CLHC1: variants seen among roughly 807,000 people sequenced by gnomAD.
The protein encoded by CLHC1 is clathrin heavy chain linker domain-containing protein 1.
In CLHC1, 72 loss-of-function variants were observed where a neutral mutation model predicts 69.5. That is an observed-to-expected ratio of 1.04 (90% CI 0.86 to 1.26). The LOEUF is 1.26. Ranked by LOEUF, CLHC1 falls within the 50% of genes most tolerant of loss-of-function variation. The probability of loss-of-function intolerance (pLI) is 0.00; values close to 1 mark genes in which losing one functional copy is unlikely to be tolerated. For synonymous variants in CLHC1, 223 were observed against 224.3 expected (o/e 0.99, Z 0.05); for missense variants, 790 against 679.3 (o/e 1.16, Z -1.81).
chr2:55,197,851 T>C (rs1232644779), intron 9 of CLHC1, among the ~76,000 whole-genome samples: 3 of 151,962 alleles, frequency 2.0e-5, no homozygotes, highest in Admixed American at 2.0e-4. Context: ...CCAAACAAAC[T>C]AAATAAGGTA....
intron 9 of CLHC1, among the ~76,000 whole-genome samples, chr2:55,196,147 T>C (rs544553007): frequency 5.3e-5 from 8 of 152,288 alleles, no homozygotes; most frequent in South Asian, 2.1e-4. Flanking sequence ...AGACCAGCCC[T>C]AGCCAGAAGA....
intron 9 of CLHC1, among the ~76,000 whole-genome samples, chr2:55,194,009 G>A (rs1185218127): frequency 1.3e-5 from 2 of 152,088 alleles, no homozygotes; most frequent in Non-Finnish European, 2.9e-5. Context: ...AAAGAAACCT[G>A]TAACAAAAAG....
At chr2:55,226,408 T>A (rs1674715530) in intron 2 of CLHC1, among the ~76,000 whole-genome samples, 1 of 152,152 alleles carries the variant, frequency 6.6e-6, no homozygotes, top group Non-Finnish European at 1.5e-5. Context: ...CAGACAAAAT[T>A]AATGAAATAA....
chr2:55,229,521 C>A (rs1046062723), intron 1 of CLHC1, among the ~76,000 whole-genome samples: 1 of 152,178 alleles, frequency 6.6e-6, no homozygotes, highest in Non-Finnish European at 1.5e-5. Context: ...AGAGAGGTAA[C>A]TGCCAGATTA....
At chr2:55,213,582 G>A (rs984977569) in intron 4 of CLHC1, among the ~76,000 whole-genome samples, 7 of 148,662 alleles carry the variant, frequency 4.7e-5, no homozygotes, top group African/African-American at 1.7e-4. Context: ...GCTAGAGGAA[G>A]GACAGCACTT....
chr2:55,208,781 G>A, intron 7 of CLHC1, 71 bp from the exon 8 acceptor site: 1 of 1,022,994 alleles, frequency 9.8e-7, no homozygotes, highest in South Asian at 1.3e-5. Flanking sequence ...AAACATACAT[G>A]TGTTTAATAC....
chr2:55,222,780 G>A (rs1020870269), intron 2 of CLHC1, among the ~76,000 whole-genome samples: 1 of 152,044 alleles, frequency 6.6e-6, no homozygotes, highest in Non-Finnish European at 1.5e-5. Context: ...AATTAGCCAG[G>A]CGTGGTGGCG....
At chr2:55,224,708 C>G in intron 2 of CLHC1, 1 of 271,426 alleles carries the variant, frequency 3.7e-6, no homozygotes. Context: ...GAAAGGAGTG[C>G]AGTTTATTCT....
chr2:55,231,774 C>G (rs1005085942), intron 1 of CLHC1: 6 of 152,196 alleles, frequency 3.9e-5, no homozygotes, highest in South Asian at 4.1e-4. Context: ...TCCCAATGCC[C>G]AAATTTGGAA....
At chr2:55,180,060 A>C (rs1031574716) in intron 11 of CLHC1, among the ~76,000 whole-genome samples, 5 of 152,070 alleles carry the variant, frequency 3.3e-5, no homozygotes, top group African/African-American at 1.2e-4. Context: ...AGGCTGAGGC[A>C]GGAGAATGGT....
intron 9 of CLHC1, among the ~76,000 whole-genome samples, chr2:55,186,626 T>C (rs1380151840): frequency 6.6e-6 from 1 of 152,014 alleles, no homozygotes; most frequent in Admixed American, 6.6e-5. Flanking sequence ...TAACCAGGCA[T>C]GGTGGGTATG....
Position 55,217,793 on chromosome 2 carries a change from A to C in CLHC1, c.365+18T>G. 1 of 1,472,172 alleles carries C rather than the reference A, an allele frequency of 6.8e-7. No homozygotes were observed. The highest frequency in any genetic ancestry group is 1.4e-5 in the African/African-American group (1 of 69,208). 91.2% of individuals were successfully genotyped at this position (1,472,172 alleles called of 1,614,324 possible). On this transcript the variant is annotated intron_variant, in intron 4 of 12. Transcript: ENST00000401408. ...AGCAACAACTACCATCTTTTGGGCT[A>C]GTTACTAAAATACTTACTTTGCTTC...
chr2:55,206,579 T>C (rs1485732848), intron 8 of CLHC1, among the ~76,000 whole-genome samples: 2 of 152,188 alleles, frequency 1.3e-5, no homozygotes, highest in East Asian at 1.9e-4. Context: ...GGGTTTTTTT[T>C]AAGTCTCAGA....
chr2:55,228,888 G>A (rs1000949934), intron 1 of CLHC1, among the ~76,000 whole-genome samples: 4 of 152,182 alleles, frequency 2.6e-5, no homozygotes, highest in Non-Finnish European at 4.4e-5. Flanking sequence ...AGCGGCTCAT[G>A]CCTGTAATCC....
chr2:55,183,628 A>G (rs1406272055), intron 9 of CLHC1, among the ~76,000 whole-genome samples: 3 of 152,098 alleles, frequency 2.0e-5, no homozygotes, highest in African/African-American at 4.8e-5. Context: ...TTACTTCTCA[A>G]CTCTCAGATA....
At chr2:55,179,982 G>A in intron 11 of CLHC1, among the ~76,000 whole-genome samples, 1 of 151,980 alleles carries the variant, frequency 6.6e-6, no homozygotes, top group Non-Finnish European at 1.5e-5. Flanking sequence ...GTGAAACCCT[G>A]TCTCTACCAA....
At chr2:55,222,562 T>A in intron 2 of CLHC1, 69 bp from the exon 3 acceptor site, 1 of 583,488 alleles carries the variant, frequency 1.7e-6, no homozygotes, top group South Asian at 2.6e-5. Flanking sequence ...GATCTAAAAA[T>A]GTATTTTTTT....
chr2:55,175,945 T>A lies in CLHC1; in HGVS notation c.1606A>T (p.Ile536Leu). 6.2e-7 allele frequency: 1 copy of A among 1,614,088 alleles called. No homozygotes were observed. Among genetic ancestry groups the A allele is most frequent in the Non-Finnish European group, 8.5e-7 (1 of 1,179,952 alleles). Residue 536 changes from isoleucine (I) to leucine (L), a missense_variant, in exon 13 of 13, where the codon ATA becomes TTA. Coordinates refer to ENST00000401408, the MANE Select transcript of CLHC1 (RefSeq NM_152385.4). ...TTTGCCACTTCTTGCCACTTTTCTA[T>A]GGAGCAAAAGGAATCATTTATCATA... ...SLMINDSFCS[I>L]EKWQEVANIC...
Position 55,173,525 on chromosome 2 carries a change from C to T in CLHC1, c.*2265G>A, listed in dbSNP as rs1190134406. 6.6e-6 allele frequency among the ~76,000 whole-genome samples: 1 copy of T among 152,112 alleles called. No individual in the cohort carries two copies. The highest frequency in any genetic ancestry group is 2.4e-5 in the African/African-American group (1 of 41,428). ...GAAATGACAAGAGGAGGTATCTAGT[C>T]AAAATAAATTTATCTTAAGCATGAG... On this transcript the variant is annotated 3_prime_UTR_variant, in exon 13 of 13. Coordinates refer to ENST00000401408, the MANE Select transcript of CLHC1 (RefSeq NM_152385.4).
Sources: gnomAD v4.1 joint callset for allele counts (sites outside exome capture counted in the v4.1 genomes callset) on GRCh38, gnomAD v4.1.1 for gene constraint, MANE v1.5 for transcripts, NCBI Gene and HGNC (gene_info 2026-07-23, HGNC 2026-07-21) for gene names.